GIPR: variants seen among roughly 807,000 people sequenced by gnomAD.
GIPR encodes GIP-R.
Under a neutral mutation model 62.2 loss-of-function variants are expected in GIPR, and 74 were observed. The observed-to-expected ratio is 1.19, with a 90% CI of 0.99 to 1.44. GIPR has a LOEUF of 1.44. Ranked by LOEUF, GIPR falls within the 40% of genes most tolerant of loss-of-function variation. GIPR has a pLI of 0.00. For synonymous variants in GIPR, 256 were observed against 262.2 expected (o/e 0.98, Z 0.23); for missense variants, 664 against 611.8 (o/e 1.09, Z -0.90).
chr19:45,668,261 C>G lies in GIPR; in HGVS notation c.-82C>G, dbSNP rs1185980834. On this transcript the variant is annotated 5_prime_UTR_variant, in exon 1 of 14. Coordinates refer to ENST00000590918, the MANE Select transcript of GIPR (RefSeq NM_000164.4). ...CAGTTGGAGGCAGCGGTGGCAGGGG[C>G]TGCAGGAGCAAGTGACCAGGAGCAG... is the stretch of plus-strand genomic sequence containing the variant. 6.6e-6 allele frequency: 1 copy of G among 152,220 alleles called. No individual in the cohort carries two copies. The highest frequency in any genetic ancestry group is 2.4e-5 in the African/African-American group (1 of 41,308). 9.4% of individuals were successfully genotyped at this position (152,220 alleles called of 1,614,324 possible). A position where few individuals can be genotyped will look rare whatever the true frequency, so the allele number is the denominator to read the frequency against.
rs1384670891 is a variant in GIPR at position 45,677,104 on chromosome 19, C to T, written c.789C>T (p.Gly263=). 1 of 1,613,348 alleles carries T rather than the reference C, an allele frequency of 6.2e-7. No individual in the cohort carries two copies. Among genetic ancestry groups the T allele is most frequent in the African/African-American group, 1.3e-5 (1 of 75,044 alleles). Residue 263 remains glycine, a synonymous_variant, in exon 8 of 14, where the codon GGC becomes GGT. Transcript: ENST00000590918. ...ACTTCCGCTACTACCTGCTCCTCGGCTGGGGTGAGCTCCGATCCCGTCCCC... is the reference window on the plus strand; with the variant it reads ...ACTTCCGCTACTACCTGCTCCTCGGTTGGGGTGAGCTCCGATCCCGTCCCC... The part of the protein sequence containing the change: ...EGHFRYYLLL[G]WGAPALFVIP...
At chr19:45,673,419 C>CAAAAAAA (rs71175203) in intron 5 of GIPR, among the ~76,000 whole-genome samples, 3 of 82,742 alleles carry the variant, frequency 3.6e-5, no homozygotes, top group Admixed American at 1.4e-4. Context: ...GACTCCATCT[C>CAAAAAAA]AAAAAAAAAA....
At chr19:45,670,592 C>T (rs1257927018) in intron 2 of GIPR, 43 bp from the exon 3 acceptor site, 2 of 1,377,774 alleles carry the variant, frequency 1.5e-6, no homozygotes, top group Non-Finnish European at 2.1e-6. Context: ...AGCCTGGGAG[C>T]GGGGGTCGGT....
chr19:45,683,375 T>C lies in GIPR; in HGVS notation c.*1440T>C, dbSNP rs1600325790. The C allele has an allele frequency of 2.7e-5, 4 of 147,784 alleles. No individual in the cohort carries two copies. In the Admixed American group the frequency reaches 2.7e-4, roughly 10 times the overall value. 9.2% of individuals were successfully genotyped at this position (147,784 alleles called of 1,614,324 possible). On this transcript the variant is annotated 3_prime_UTR_variant, in exon 14 of 14. Transcript: ENST00000590918. ...GCCAGGGCCACTGCTGGCTGCGGAG[T>C]GAGGACGCATATCCCCACTGTCCTT...
intron 12 of GIPR, among the ~76,000 whole-genome samples, chr19:45,678,986 T>G (rs1568527315): frequency 6.6e-6 from 1 of 152,180 alleles, no homozygotes; most frequent in African/African-American, 2.4e-5. Context: ...CTGCTTCACC[T>G]CATTCGGCCT....
chr19:45,673,087 G>T, intron 5 of GIPR, 133 bp downstream of exon 5: 1 of 676,574 alleles, frequency 1.5e-6, no homozygotes. Flanking sequence ...ACTCAGACTT[G>T]CTTCAAAGAG....
chr19:45,671,722 C>T (rs954164838), intron 4 of GIPR, among the ~76,000 whole-genome samples: 1 of 152,196 alleles, frequency 6.6e-6, no homozygotes, highest in Non-Finnish European at 1.5e-5. Flanking sequence ...GCCTCAGCCT[C>T]CCGAGAAGCC....
intron 4 of GIPR, among the ~76,000 whole-genome samples, chr19:45,671,992 A>G (rs1975566702): frequency 7.6e-6 from 1 of 131,024 alleles, no homozygotes; most frequent in Non-Finnish European, 1.7e-5. Flanking sequence ...CTAACTAGCT[A>G]TGTCGCCTCA....
intron 9 of GIPR, 89 bp downstream of exon 9, chr19:45,677,472 G>A: frequency 3.0e-6 from 3 of 1,000,412 alleles, no homozygotes; most frequent in Middle Eastern, 2.5e-4. Context: ...GGGCAGGGTC[G>A]GAAGGCTATT....
Position 45,678,244 on chromosome 19 carries a change from A to AGG in GIPR, c.1152+21_1152+22dup. Reference sequence around the variant, plus strand: ...CCTTCCAGGTGCTCAGGCAGGGTGCAGGGGCTCCATCCTTCCACCCAGGGC... The same window carrying AGG: ...CCTTCCAGGTGCTCAGGCAGGGTGCAGGGGGGCTCCATCCTTCCACCCAGGGC... On this transcript the variant is annotated intron_variant, in intron 12 of 13. Transcript: ENST00000590918. The AGG allele has an allele frequency of 1.3e-6, 2 of 1,549,832 alleles. No homozygotes were observed. The highest frequency in any genetic ancestry group is 1.7e-6 in the Non-Finnish European group (2 of 1,148,856).
Position 45,674,190 on chromosome 19 carries a change from C to T in GIPR, c.488+13C>T. 1.3e-6 allele frequency: 2 copies of T among 1,552,552 alleles called. No individual in the cohort carries two copies. Among genetic ancestry groups the T allele is most frequent in the Non-Finnish European group, 1.8e-6 (2 of 1,123,884 alleles). ...TGAGTTTGTTCAGGTGGGACCTTAA[C>T]CCTGAGTGGTGGCGGCAGAGATGTG... On this transcript the variant is annotated intron_variant, in intron 6 of 13. Transcript: ENST00000590918.
At chr19:45,669,956 G>A (rs73054338) in intron 2 of GIPR, among the ~76,000 whole-genome samples, 5 of 148,864 alleles carry the variant, frequency 3.4e-5, no homozygotes, top group African/African-American at 4.9e-5. Context: ...CTCGGGGTGG[G>A]GGGGGGAGGC....
rs760064068 is a variant in GIPR, at chr19:45,674,166, G to C, written c.477G>C (p.Leu159Phe). The change falls in exon 6 of 14, where the codon TTG becomes TTC. Residue 159 changes from leucine to phenylalanine, a missense_variant. By Grantham distance (22) the Leu-to-Phe change is conservative (BLOSUM62 0). Coordinates refer to ENST00000590918, the MANE Select transcript of GIPR (RefSeq NM_000164.4). ...LATLLLALLILSLFRRLHCTR... is the reference protein window; with the variant it reads ...LATLLLALLIFSLFRRLHCTR... ...CACTGCTGCTAGCCCTGCTCATCTT[G>C]AGTTTGTTCAGGTGGGACCTTAACC... The C allele has an allele frequency of 6.2e-7, 1 of 1,611,212 alleles. No individual in the cohort carries two copies. The highest frequency in any genetic ancestry group is 1.7e-5 in the Admixed American group (1 of 59,974).
At chr19:45,673,903 G>A (rs1975688268) in intron 5 of GIPR, among the ~76,000 whole-genome samples, 171 bp from the exon 6 acceptor site, 1 of 151,930 alleles carries the variant, frequency 6.6e-6, no homozygotes, top group African/African-American at 2.4e-5. Context: ...CACATGCCTC[G>A]TGCCCTGGAG....
At chr19:45,672,992 G>C in intron 5 of GIPR, 38 bp downstream of exon 5, 1 of 1,209,848 alleles carries the variant, frequency 8.3e-7, no homozygotes, top group Non-Finnish European at 1.2e-6. Flanking sequence ...GGAGTCCAGG[G>C]AGAGATGGAA....
At chr19:45,672,051 G>A (rs1454110204) in intron 4 of GIPR, among the ~76,000 whole-genome samples, 1 of 149,194 alleles carries the variant, frequency 6.7e-6, no homozygotes, top group Non-Finnish European at 1.5e-5. Flanking sequence ...ACAGAGTCTG[G>A]CTCTGTCACC....
chr19:45,674,582 G>A (rs1459779419), intron 6 of GIPR, 100 bp from the exon 7 acceptor site: 2 of 1,055,002 alleles, frequency 1.9e-6, no homozygotes, highest in Non-Finnish European at 2.9e-6. Flanking sequence ...ATTCTAGCCT[G>A]GGTGACAGAG....
Position 45,683,051 on chromosome 19 carries a change from G to C in GIPR, c.*1116G>C, listed in dbSNP as rs749040141. 3 of 152,890 alleles carry C rather than the reference G, an allele frequency of 2.0e-5. No homozygotes were observed. Among genetic ancestry groups the C allele is most frequent in the Non-Finnish European group, 4.4e-5 (3 of 68,364 alleles). 9.5% of individuals were successfully genotyped at this position (152,890 alleles called of 1,614,324 possible). Reference sequence around the variant, plus strand: ...GTGGAGGTGAGAGGATTTCATGAAGGAGCACATGAGGACACAGCAGCAGAG... The same window carrying C: ...GTGGAGGTGAGAGGATTTCATGAAGCAGCACATGAGGACACAGCAGCAGAG... On this transcript the variant is annotated 3_prime_UTR_variant, in exon 14 of 14. Coordinates refer to ENST00000590918, the MANE Select transcript of GIPR (RefSeq NM_000164.4).
intron 9 of GIPR, 37 bp from the exon 10 acceptor site, chr19:45,677,673 G>A: frequency 6.4e-7 from 1 of 1,556,568 alleles, no homozygotes; most frequent in Non-Finnish European, 8.9e-7. Context: ...TGAGTCTAGA[G>A]TTTTTCTATC....
Sources: gnomAD v4.1 joint callset for allele counts (sites outside exome capture counted in the v4.1 genomes callset) on GRCh38, gnomAD v4.1.1 for gene constraint, MANE v1.5 for transcripts, NCBI Gene and HGNC (gene_info 2026-07-23, HGNC 2026-07-21) for gene names.